Variants in PIK3C3 observed in about 807,000 individuals in gnomAD.
The protein encoded by PIK3C3 is PI3-kinase type 3.
Under a neutral mutation model 126.1 loss-of-function variants are expected in PIK3C3, and 95 were observed. The ratio of observed to expected loss-of-function variants is 0.75; its 90% CI spans 0.64 to 0.89. PIK3C3 has a LOEUF of 0.89. Ranked by LOEUF, PIK3C3 falls within the 40% of genes least tolerant of loss-of-function variation. The probability of loss-of-function intolerance (pLI) is 0.00; values close to 1 mark genes in which losing one functional copy is unlikely to be tolerated. For synonymous variants in PIK3C3, 374 were observed against 360.0 expected (o/e 1.04, Z -0.44); for missense variants, 829 against 1,063.2 (o/e 0.78, Z 3.06).
intron 4 of PIK3C3, among the ~76,000 whole-genome samples, chr18:41,973,479 C>G (rs1182692523): frequency 6.6e-6 from 1 of 151,844 alleles, no homozygotes; most frequent in Non-Finnish European, 1.5e-5. Flanking sequence ...ACTAACTTAC[C>G]GGAGAGAGTA....
At position 42,086,354 on chromosome 18, in the gene PIK3C3, C is replaced by G. The variant is rs1309142282; in HGVS notation, c.*5217C>G. 1 of 152,280 alleles carries G rather than the reference C, an allele frequency of 6.6e-6. No homozygotes were observed. The highest frequency in any genetic ancestry group is 1.5e-5 in the Non-Finnish European group (1 of 68,178). 9.4% of individuals were successfully genotyped at this position (152,280 alleles called of 1,614,324 possible). A position where few individuals can be genotyped will look rare whatever the true frequency, so the allele number is the denominator to read the frequency against. On this transcript the variant is annotated 3_prime_UTR_variant, in exon 25 of 25. Coordinates refer to ENST00000262039, the MANE Select transcript of PIK3C3 (RefSeq NM_002647.4). Reference sequence around the variant, plus strand: ...CTGCATTTCCCCAAACCTCAGAACTCCTTGGGCCATCACTGTCAGAGACAT... The same window carrying G: ...CTGCATTTCCCCAAACCTCAGAACTGCTTGGGCCATCACTGTCAGAGACAT...
chr18:42,070,254 G>T (rs2067920695), intron 24 of PIK3C3, among the ~76,000 whole-genome samples: 1 of 152,192 alleles, frequency 6.6e-6, no homozygotes. Context: ...AATAGATTCT[G>T]CCTCTTGACA....
At chr18:42,064,584 T>A (rs907884784) in intron 22 of PIK3C3, 156 bp from the exon 23 acceptor site, 8 of 568,524 alleles carry the variant, frequency 1.4e-5, no homozygotes, top group Non-Finnish European at 2.5e-5. Flanking sequence ...TTGTCAAGGC[T>A]TGCATTTCAT....
intron 18 of PIK3C3, 74 bp downstream of exon 18, chr18:42,038,924 A>T (rs1260784543): frequency 3.3e-6 from 3 of 901,302 alleles, no homozygotes; most frequent in Non-Finnish European, 5.2e-6. Context: ...AAAATTTTTA[A>T]GTATGTTAGA....
intron 9 of PIK3C3, among the ~76,000 whole-genome samples, chr18:41,997,310 G>C (rs990165686): frequency 6.6e-6 from 1 of 152,090 alleles, no homozygotes; most frequent in African/African-American, 2.4e-5. Context: ...TGGCATACAG[G>C]ATAACGGGTA....
chr18:42,016,445 TA>T (rs1260644305), intron 12 of PIK3C3, among the ~76,000 whole-genome samples: 4 of 152,176 alleles, frequency 2.6e-5, no homozygotes, highest in Non-Finnish European at 5.9e-5. Context: ...CATTCACATA[TA>T]TTTTTTGAGC....
intron 11 of PIK3C3, among the ~76,000 whole-genome samples, chr18:42,014,467 C>T (rs774666869): frequency 1.4e-4 from 22 of 152,264 alleles, no homozygotes; most frequent in Middle Eastern, 3.4e-3. Flanking sequence ...CTCTGAGGTA[C>T]GTATTCCTGT....
chr18:41,957,137 TTTTC>T (rs1432837244), intron 1 of PIK3C3, among the ~76,000 whole-genome samples: 1 of 152,222 alleles, frequency 6.6e-6, no homozygotes, highest in Non-Finnish European at 1.5e-5. Context: ...ATTGCTTATC[TTTTC>T]TTTCTTCTGG....
intron 14 of PIK3C3, 117 bp downstream of exon 14, chr18:42,027,665 A>T (rs1983633093): frequency 4.8e-6 from 2 of 417,028 alleles, no homozygotes. Flanking sequence ...TTTTATTTTT[A>T]TTTTTTTGAG....
chr18:42,013,300 A>T, intron 10 of PIK3C3, 142 bp from the exon 11 acceptor site: 1 of 567,138 alleles, frequency 1.8e-6, no homozygotes. Context: ...GAAGTTAAGT[A>T]ATTTGGTGAC....
chr18:42,085,714 A>G lies in PIK3C3; in HGVS notation c.*4577A>G, dbSNP rs1481084367. On this transcript the variant is annotated 3_prime_UTR_variant, in exon 25 of 25. Transcript: ENST00000262039. ...GTTAACATAGCATCCCAGTATTGCC[A>G]TTCTAAAACTCTGGCATGTAAATGG... 1 of 152,220 alleles carries G rather than the reference A, an allele frequency of 6.6e-6. No homozygotes were observed. The highest frequency in any genetic ancestry group is 1.5e-5 in the Non-Finnish European group (1 of 68,038). 9.4% of individuals were successfully genotyped at this position (152,220 alleles called of 1,614,324 possible).
chr18:42,079,389 C>T (rs940973212), intron 24 of PIK3C3, among the ~76,000 whole-genome samples: 1 of 152,126 alleles, frequency 6.6e-6, no homozygotes, highest in African/African-American at 2.4e-5. Context: ...TGCCCCAAAA[C>T]ATTTACAATA....
chr18:42,046,278 G>A (rs1393554020), intron 20 of PIK3C3, among the ~76,000 whole-genome samples: 2 of 151,990 alleles, frequency 1.3e-5, no homozygotes, highest in African/African-American at 2.4e-5. Context: ...ATCTGTTTTT[G>A]TGTAACTTTC....
At chr18:41,970,178 A>G (rs1016638091) in intron 3 of PIK3C3, 149 bp from the exon 4 acceptor site, 6 of 659,024 alleles carry the variant, frequency 9.1e-6, no homozygotes, top group Non-Finnish European at 1.3e-5. Context: ...TGCTTGGTTA[A>G]TTGCTTTACA....
intron 4 of PIK3C3, among the ~76,000 whole-genome samples, chr18:41,972,825 G>A (rs1207609206): frequency 2.6e-5 from 4 of 151,994 alleles, no homozygotes; most frequent in Non-Finnish European, 5.9e-5. Flanking sequence ...TGATATAGCA[G>A]TTGCTTGTGG....
intron 13 of PIK3C3, among the ~76,000 whole-genome samples, chr18:42,021,205 A>G (rs1327671330): frequency 1.3e-5 from 2 of 152,156 alleles, no homozygotes; most frequent in Non-Finnish European, 2.9e-5. Context: ...TTTTCAGGGT[A>G]TTTTCAGTTA....
intron 20 of PIK3C3, among the ~76,000 whole-genome samples, chr18:42,045,568 T>C (rs906751054): frequency 2.0e-5 from 3 of 152,190 alleles, no homozygotes; most frequent in Admixed American, 6.5e-5. Context: ...AGAGCAAATA[T>C]TCAGACAGAC....
At chr18:41,976,502 T>C (rs1980932002) in intron 4 of PIK3C3, among the ~76,000 whole-genome samples, 1 of 152,180 alleles carries the variant, frequency 6.6e-6, no homozygotes, top group African/African-American at 2.4e-5. Context: ...TTAGCATAGA[T>C]TGCAAACTAA....
chr18:41,974,056 T>C (rs1980796315), intron 4 of PIK3C3, among the ~76,000 whole-genome samples: 1 of 152,168 alleles, frequency 6.6e-6, no homozygotes, highest in African/African-American at 2.4e-5. Context: ...AGTAGCATAG[T>C]AGTAACAGTT....
Sources: allele counts gnomAD v4.1 joint callset (sites outside exome capture counted in the v4.1 genomes callset), GRCh38; gene constraint gnomAD v4.1.1; transcripts MANE v1.5; gene names NCBI Gene and HGNC (gene_info 2026-07-23, HGNC 2026-07-21).